The following IRAK3 variants were observed in gnomAD, a reference collection of about 807,000 sequenced individuals.
IRAK3 encodes the protein interleukin-1 receptor-associated kinase 3.
IRAK3 carries 57 observed loss-of-function variants against 56.6 expected under a neutral mutation model. The observed-to-expected ratio is 1.01, with a 90% CI of 0.81 to 1.26. The LOEUF is 1.26. Among genes scored for constraint, IRAK3 ranks in the 50% most tolerant of loss-of-function variants. The pLI, the probability that IRAK3 is intolerant of heterozygous loss-of-function variation, is 0.00. For missense variants in IRAK3, 703 were observed against 719.0 expected (o/e 0.98, Z 0.25); for synonymous variants, 258 against 255.7 (o/e 1.01, Z -0.09).
chr12:66,197,151 A>G, intron 1 of IRAK3: 1 of 1,268,096 alleles, frequency 7.9e-7, no homozygotes, highest in Non-Finnish European at 9.9e-7. Flanking sequence ...ACGACTTTCA[A>G]CAAAGATTTG....
At position 66,247,811 on chromosome 12, in the gene IRAK3, T is replaced by A; in HGVS notation, c.1431T>A (p.Ile477=). ...TATTCCTGGAGAATGTACCAAGTAT[T>A]CCAGTGGAAGATGATGAAAGCCAGA... ...SPLFLENVPS[I]PVEDDESQNN... The change falls in exon 12 of 12, where the codon ATT becomes ATA. Residue 477 remains isoleucine (I), a synonymous_variant. Coordinates refer to ENST00000261233, the MANE Select transcript of IRAK3 (RefSeq NM_007199.3). 1 of 1,614,084 alleles carries A rather than the reference T, an allele frequency of 6.2e-7. No individual in the cohort carries two copies. Among genetic ancestry groups the A allele is most frequent in the Non-Finnish European group, 8.5e-7 (1 of 1,179,920 alleles).
At chr12:66,207,107 A>G (rs548641602) in intron 2 of IRAK3, among the ~76,000 whole-genome samples, 2 of 152,274 alleles carry the variant, frequency 1.3e-5, no homozygotes, top group African/African-American at 4.8e-5. Flanking sequence ...CAGTTAAGCT[A>G]AAAGATTGTC....
intron 4 of IRAK3, 21 bp from the exon 5 acceptor site, chr12:66,211,425 C>A (rs752211995): frequency 2.6e-6 from 4 of 1,551,162 alleles, no homozygotes. Context: ...AACTTATCTT[C>A]CCCCTACTTT....
Position 66,204,778 on chromosome 12 carries a change from G to GCGCACACA in IRAK3, c.316+886_316+887insGCACACAC, listed in dbSNP as rs1026097833. On this transcript the variant is annotated intron_variant, in intron 2 of 11. Transcript: ENST00000261233. ...ATATTTAGTGCGCATGAGCCCTTGCGCACACACACACACACACACACACAC... is the reference window on the plus strand; with the variant it reads ...ATATTTAGTGCGCATGAGCCCTTGCGCGCACACACACACACACACACACACACACACAC... Among the ~76,000 whole-genome samples, 11 of 147,922 alleles carry GCGCACACA rather than the reference G, an allele frequency of 7.4e-5. No individual in the cohort carries two copies. In the South Asian group the frequency reaches 8.7e-4, roughly 12 times the overall value.
chr12:66,232,536 T>C (rs1171222524), intron 8 of IRAK3, among the ~76,000 whole-genome samples: 1 of 152,198 alleles, frequency 6.6e-6, no homozygotes, highest in Non-Finnish European at 1.5e-5. Flanking sequence ...ACTGAACACC[T>C]GTCAGATGGT....
intron 6 of IRAK3, among the ~76,000 whole-genome samples, chr12:66,222,330 A>G (rs560368374): frequency 6.6e-6 from 1 of 151,598 alleles, no homozygotes; most frequent in South Asian, 2.1e-4. Context: ...GAGGTTTTTG[A>G]TTATTTAATC....
intron 8 of IRAK3, chr12:66,234,453 G>T (rs1014711576): frequency 2.4e-5 from 38 of 1,611,216 alleles, no homozygotes; most frequent in Non-Finnish European, 3.2e-5. Context: ...GTGATCATTC[G>T]GTTTGTAGCA....
rs568546205 is a variant in IRAK3 at position 66,199,222 on chromosome 12, A to G, written c.134-4489A>G. On this transcript the variant is annotated intron_variant, in intron 1 of 11. Transcript: ENST00000261233. Reference sequence around the variant, plus strand: ...AGGCCAGGGAAGAGCAAGAAGATTTATTATATGTATTAGGTGGGACTACAA... The same window carrying G: ...AGGCCAGGGAAGAGCAAGAAGATTTGTTATATGTATTAGGTGGGACTACAA... 6.6e-5 allele frequency among the ~76,000 whole-genome samples: 10 copies of G among 152,316 alleles called. No individual in the cohort carries two copies. In the East Asian group the frequency reaches 1.9e-3, roughly 29 times the overall value.
At chr12:66,189,834 C>T (rs1234170507) in intron 1 of IRAK3, among the ~76,000 whole-genome samples, 3 of 152,154 alleles carry the variant, frequency 2.0e-5, no homozygotes, top group African/African-American at 7.2e-5. Flanking sequence ...GATACTTATC[C>T]TTTGGTGTTT....
At chr12:66,202,632 A>G (rs569582663) in intron 1 of IRAK3, among the ~76,000 whole-genome samples, 8 of 151,548 alleles carry the variant, frequency 5.3e-5, no homozygotes, top group African/African-American at 1.7e-4. Flanking sequence ...GAAAAAAAAA[A>G]CCCACACAAA....
chr12:66,198,457 T>G (rs1218582503), intron 1 of IRAK3, among the ~76,000 whole-genome samples: 1 of 152,172 alleles, frequency 6.6e-6, no homozygotes, highest in Non-Finnish European at 1.5e-5. Flanking sequence ...TTTAGCCTAG[T>G]TAAACCTTAC....
chr12:66,220,409 G>A (rs2136932912), intron 6 of IRAK3, among the ~76,000 whole-genome samples: 1 of 148,948 alleles, frequency 6.7e-6, no homozygotes, highest in East Asian at 2.0e-4. Context: ...TATTCCATTG[G>A]TCAATGAGTC....
chr12:66,226,699 C>T, intron 6 of IRAK3, 24 bp from the exon 7 acceptor site: 2 of 1,387,552 alleles, frequency 1.4e-6, no homozygotes, highest in Non-Finnish European at 2.1e-6. Flanking sequence ...AATTTGATGG[C>T]TTTAAAACAT....
rs533087654 is a variant in IRAK3 at position 66,207,940 on chromosome 12, A to G, written c.317-1516A>G. Among the ~76,000 whole-genome samples, 23 of 152,314 alleles carry G rather than the reference A, an allele frequency of 1.5e-4. 1 individual carries two copies. The East Asian group carries it at 4.2e-3, about 28-fold the overall frequency. On this transcript the variant is annotated intron_variant, in intron 2 of 11. Coordinates refer to ENST00000261233, the MANE Select transcript of IRAK3 (RefSeq NM_007199.3). ...TATTTGAGGTTCATTTAATTGCCTA[A>G]GGTCAGGTCTGTTCTGGAAAATGTT...
chr12:66,233,863 G>A (rs1470772361), intron 8 of IRAK3, among the ~76,000 whole-genome samples: 1 of 150,646 alleles, frequency 6.6e-6, no homozygotes, highest in African/African-American at 2.4e-5. Context: ...CTGTTCGGGG[G>A]AACAGCTACT....
chr12:66,234,044 G>C, intron 8 of IRAK3: 1 of 1,610,522 alleles, frequency 6.2e-7, no homozygotes, highest in Non-Finnish European at 8.5e-7. Context: ...CCTTCTTCAT[G>C]TAAGAACACC....
In IRAK3 at chr12:66,248,970, C is replaced by T. The variant is rs967425596; in HGVS notation, c.*799C>T. The T allele has an allele frequency of 2.0e-5, 3 of 152,192 alleles. No homozygotes were observed. Among genetic ancestry groups the T allele is most frequent in the Non-Finnish European group, 4.4e-5 (3 of 68,052 alleles). 9.4% of individuals were successfully genotyped at this position (152,192 alleles called of 1,614,324 possible). On this transcript the variant is annotated 3_prime_UTR_variant, in exon 12 of 12. Transcript: ENST00000261233. ...TCTACACCTTTCAACTCTGGGCCTT[C>T]ATTCCTGCTGTTTCTTGGATCTCCC...
chr12:66,224,929 C>G (rs1287670078), intron 6 of IRAK3, among the ~76,000 whole-genome samples: 1 of 152,060 alleles, frequency 6.6e-6, no homozygotes, highest in East Asian at 1.9e-4. Context: ...AATCTAAAAC[C>G]CTACTGATTT....
At chr12:66,231,893 G>C (rs973112831) in intron 8 of IRAK3, among the ~76,000 whole-genome samples, 5 of 152,224 alleles carry the variant, frequency 3.3e-5, no homozygotes, top group Non-Finnish European at 7.3e-5. Context: ...TCTAGTGAAA[G>C]TCTGCAGCTT....
Sources: gnomAD v4.1 joint callset for allele counts (sites outside exome capture counted in the v4.1 genomes callset) on GRCh38, gnomAD v4.1.1 for gene constraint, MANE v1.5 for transcripts, NCBI Gene and HGNC (gene_info 2026-07-23, HGNC 2026-07-21) for gene names.